The following PDZD2 variants were observed in gnomAD, a reference collection of about 807,000 sequenced individuals.
PDZD2 encodes the protein PDZ domain-containing protein 2.
PDZD2 carries 90 observed loss-of-function variants against 220.7 expected under a neutral mutation model. That is an observed-to-expected ratio of 0.41 (90% confidence interval 0.34 to 0.49). PDZD2 has a LOEUF of 0.49. Among genes scored for constraint, PDZD2 ranks in the 20% least tolerant of loss-of-function variants. PDZD2 has a pLI of 0.28. For synonymous variants in PDZD2, 1,375 were observed against 1,450.5 expected, an observed-to-expected ratio of 0.95 and a Z score of 1.18; for missense variants, 3,174 against 3,608.5, an observed-to-expected ratio of 0.88 and a Z score of 3.08.
intron 2 of PDZD2, among the ~76,000 whole-genome samples, chr5:31,941,778 G>C (rs988007616): frequency 6.6e-6 from 1 of 152,144 alleles, no homozygotes; most frequent in African/African-American, 2.4e-5. Context: ...GAGTTTGTTA[G>C]GGTAATAGAA....
At chr5:31,660,462 G>T (rs540228466) in intron 1 of PDZD2, among the ~76,000 whole-genome samples, 1 of 152,068 alleles carries the variant, frequency 6.6e-6, no homozygotes, top group Non-Finnish European at 1.5e-5. Context: ...TCTCAGTTCC[G>T]CATGGCTGGG....
intron 7 of PDZD2, among the ~76,000 whole-genome samples, chr5:32,046,039 A>G (rs1312282546): frequency 4.6e-5 from 7 of 152,206 alleles, no homozygotes; most frequent in Non-Finnish European, 8.8e-5. Context: ...AGGAATCTGT[A>G]TATACACACA....
At chr5:31,741,834 A>T (rs1279222135) in intron 1 of PDZD2, 1 of 152,176 alleles carries the variant, frequency 6.6e-6, no homozygotes, top group Non-Finnish European at 1.5e-5. Flanking sequence ...AATCTGGTTC[A>T]TTCCTTCAAA....
In PDZD2 at chr5:31,734,760, T is replaced by C. The variant is rs115717328; in HGVS notation, c.-360-64129T>C. 3.7e-3 allele frequency among the ~76,000 whole-genome samples: 559 copies of C among 152,278 alleles called. 1 individual carries two copies. Among genetic ancestry groups the C allele is most frequent in the Non-Finnish European group, 5.7e-3 (385 of 68,014 alleles). ...GGGCTGAAAGTACCCAATCACGAGA[T>C]TGGTTTCCCTGAAAACCAGCCCCCA... On this transcript the variant is annotated intron_variant, in intron 1 of 24. Transcript: ENST00000438447.
intron 10 of PDZD2, among the ~76,000 whole-genome samples, chr5:32,054,152 A>G (rs552421877): frequency 1.3e-5 from 2 of 152,018 alleles, no homozygotes; most frequent in East Asian, 3.9e-4. Context: ...CTATCTTGTC[A>G]ACTTGGTCTG....
At chr5:31,962,968 G>A (rs1426217773) in intron 2 of PDZD2, among the ~76,000 whole-genome samples, 2 of 152,068 alleles carry the variant, frequency 1.3e-5, no homozygotes, top group Admixed American at 6.6e-5. Context: ...GATGCTTTCC[G>A]TTTTCTCTAA....
chr5:31,908,497 G>T, intron 2 of PDZD2: 1 of 1,043,444 alleles, frequency 9.6e-7, no homozygotes, highest in Middle Eastern at 2.5e-4. Flanking sequence ...CTCGCTCATT[G>T]GTGGAAATGC....
intron 1 of PDZD2, among the ~76,000 whole-genome samples, chr5:31,737,167 C>CTTTTT (rs57379430): frequency 1.6e-3 from 107 of 66,290 alleles, no homozygotes; most frequent in East Asian, 2.3e-3. Flanking sequence ...CAGTCTACTT[C>CTTTTT]TTTTTTTTTT....
At chr5:32,101,576 C>T (rs376227653) in intron 24 of PDZD2, among the ~76,000 whole-genome samples, 56 of 152,284 alleles carry the variant, frequency 3.7e-4, no homozygotes, top group African/African-American at 1.2e-3. Flanking sequence ...TTCCTTACTC[C>T]GGGCCCCTCT....
chr5:31,762,256 C>T (rs1436964493), intron 1 of PDZD2, among the ~76,000 whole-genome samples: 7 of 152,240 alleles, frequency 4.6e-5, no homozygotes, highest in South Asian at 2.1e-4. Flanking sequence ...AGCTGAGATA[C>T]GGGCACTTGG....
chr5:31,878,431 A>G (rs1052832353), intron 2 of PDZD2, among the ~76,000 whole-genome samples: 1 of 152,016 alleles, frequency 6.6e-6, no homozygotes, highest in South Asian at 2.1e-4. Context: ...GCCCAAGACC[A>G]TGAATGGCAT....
At chr5:31,869,343 A>G (rs1738530467) in intron 2 of PDZD2, among the ~76,000 whole-genome samples, 1 of 152,120 alleles carries the variant, frequency 6.6e-6, no homozygotes, top group Non-Finnish European at 1.5e-5. Flanking sequence ...TGTGTTCATC[A>G]GCACAGTCCA....
At chr5:31,869,512 C>A (rs556849534) in intron 2 of PDZD2, among the ~76,000 whole-genome samples, 8 of 151,864 alleles carry the variant, frequency 5.3e-5, no homozygotes, top group Admixed American at 3.3e-4. Flanking sequence ...TGCAGTGAGC[C>A]AAGATCACGC....
intron 2 of PDZD2, among the ~76,000 whole-genome samples, chr5:31,871,747 C>T (rs1445420593): frequency 6.6e-6 from 1 of 152,210 alleles, no homozygotes; most frequent in African/African-American, 2.4e-5. Flanking sequence ...CTGTGCCTGG[C>T]CCGTACTTGA....
chr5:31,806,931 G>GT (rs397882682), intron 2 of PDZD2, among the ~76,000 whole-genome samples: 40,827 of 127,514 alleles, frequency 0.32, 6,638 homozygotes, highest in Middle Eastern at 0.42. Context: ...GGGCGTCTTT[G>GT]TTTTTTTTTT....
At chr5:31,922,488 A>G (rs1266563026) in intron 2 of PDZD2, among the ~76,000 whole-genome samples, 1 of 152,088 alleles carries the variant, frequency 6.6e-6, no homozygotes, top group Non-Finnish European at 1.5e-5. Flanking sequence ...TTATTTTGAG[A>G]TCTGGAAATT....
At chr5:31,717,761 C>T (rs1385032684) in intron 1 of PDZD2, among the ~76,000 whole-genome samples, 1 of 152,190 alleles carries the variant, frequency 6.6e-6, no homozygotes, top group African/African-American at 2.4e-5. Flanking sequence ...GCAGCTGTCA[C>T]CAGCTGCTGG....
At chr5:31,991,112 G>A (rs538389890) in intron 3 of PDZD2, among the ~76,000 whole-genome samples, 1 of 152,316 alleles carries the variant, frequency 6.6e-6, no homozygotes, top group African/African-American at 2.4e-5. Context: ...ACAGAGGTTC[G>A]CATATGCCAC....
chr5:32,069,438 G>A (rs1265441304), intron 14 of PDZD2, 131 bp from the exon 15 acceptor site: 7 of 635,822 alleles, frequency 1.1e-5, no homozygotes, highest in Non-Finnish European at 2.0e-5. Flanking sequence ...AGCTTCGGAG[G>A]ATGGTCATAA....
Sources: allele counts gnomAD v4.1 joint callset (sites outside exome capture counted in the v4.1 genomes callset), GRCh38; gene constraint gnomAD v4.1.1; transcripts MANE v1.5; gene names NCBI Gene and HGNC (gene_info 2026-07-23, HGNC 2026-07-21).